The following SFI1 variants were observed in gnomAD, a reference collection of about 807,000 sequenced individuals.
The protein encoded by SFI1 is protein SFI1 homolog.
SFI1 carries 195 observed loss-of-function variants against 207.5 expected under a neutral mutation model. The observed-to-expected ratio is 0.94, with a 90% CI of 0.84 to 1.06. The LOEUF (loss-of-function observed/expected upper bound fraction) is 1.06. Ranked by LOEUF, SFI1 falls within the 50% of genes least tolerant of loss-of-function variation. SFI1 has a pLI of 0.00. For synonymous variants in SFI1, 630 were observed against 598.9 expected, an observed-to-expected ratio of 1.05 and a Z score of -0.76; for missense variants, 1,634 against 1,588.0, an observed-to-expected ratio of 1.03 and a Z score of -0.49.
chr22:31,615,963 G>C (rs1730810796), intron 29 of SFI1: 1 of 152,248 alleles, frequency 6.6e-6, no homozygotes, highest in South Asian at 2.1e-4. Flanking sequence ...AGCAAACGTT[G>C]AGTCTGACCT....
chr22:31,564,962 C>T (rs75847737), intron 8 of SFI1, among the ~76,000 whole-genome samples: 6 of 150,570 alleles, frequency 4.0e-5, no homozygotes, highest in African/African-American at 7.3e-5. Context: ...TACAGGCGCC[C>T]GCCACAACGC....
intron 7 of SFI1, chr22:31,559,888 C>A: frequency 1.5e-6 from 1 of 657,680 alleles, no homozygotes. Flanking sequence ...GCCAGCACAC[C>A]AAGACCACTG....
chr22:31,572,649 C>T (rs1486629408), intron 8 of SFI1: 2 of 157,398 alleles, frequency 1.3e-5, no homozygotes, highest in Non-Finnish European at 2.8e-5. Flanking sequence ...TTATAGGCAC[C>T]CACCATCACG....
chr22:31,605,710 A>G (rs2068850299), intron 20 of SFI1: 1 of 152,424 alleles, frequency 6.6e-6, no homozygotes, highest in South Asian at 2.1e-4. Context: ...TTAGCTAGGC[A>G]CGGTCATGTA....
In SFI1 at chr22:31,602,685, G is replaced by C; in HGVS notation, c.1705G>C (p.Glu569Gln). 6.2e-7 allele frequency: 1 copy of C among 1,614,212 alleles called. No individual in the cohort carries two copies. The highest frequency in any genetic ancestry group is 1.1e-5 in the South Asian group (1 of 91,086). ...CCAGCAGGCAGCAGCACGTCACCAG[G>C]AGCAGGAGTGGCAAACAGTGGCCTG... ...WHQQAAARHQ[E>Q]QEWQTVACAH... The change falls in exon 17 of 33, where the codon GAG becomes CAG. Residue 569 changes from glutamate to glutamine, a missense_variant. Transcript: ENST00000400288.
Position 31,606,405 on chromosome 22 carries a change from A to G in SFI1, c.2132A>G (p.His711Arg). The G allele has an allele frequency of 6.2e-7, 1 of 1,613,864 alleles. No individual in the cohort carries two copies. The highest frequency in any genetic ancestry group is 1.1e-5 in the South Asian group (1 of 91,080). ...AAAAAAACCTTTCAAGCAAGTACTC[A>G]TTACAGAAGGACCATATGTTCCAAG... is the stretch of plus-strand genomic sequence containing the variant. ...EAKKTFQASTHYRRTICSKVL... is the reference protein window; with the variant it reads ...EAKKTFQASTRYRRTICSKVL... Residue 711 changes from histidine (H) to arginine (R), a missense_variant, in exon 21 of 33, where the codon CAT (histidine) becomes CGT (arginine). Transcript: ENST00000400288.
intron 4 of SFI1, among the ~76,000 whole-genome samples, chr22:31,532,055 C>T (rs60827456): frequency 0.012 from 1,860 of 150,942 alleles, 43 homozygotes; most frequent in African/African-American, 0.043. Flanking sequence ...AGTGAAACTC[C>T]ATCTCAAAAA....
intron 8 of SFI1, among the ~76,000 whole-genome samples, chr22:31,567,026 C>G (rs937369763): frequency 2.0e-5 from 3 of 152,140 alleles, no homozygotes; most frequent in Non-Finnish European, 4.4e-5. Flanking sequence ...CTGCCTCAGC[C>G]TCCCGAGTAG....
intron 2 of SFI1, among the ~76,000 whole-genome samples, chr22:31,514,507 CAAAA>C (rs776120363): frequency 6.1e-5 from 3 of 48,982 alleles, no homozygotes; most frequent in African/African-American, 2.5e-4. Flanking sequence ...GACTCTGTCT[CAAAA>C]AAAAAAAAAA....
At chr22:31,527,942 C>T (rs1212779808) in intron 2 of SFI1, among the ~76,000 whole-genome samples, 5 of 152,116 alleles carry the variant, frequency 3.3e-5, no homozygotes, top group South Asian at 4.2e-4. Context: ...GGTGAAACCC[C>T]GTCTCTAATA....
intron 14 of SFI1, 127 bp downstream of exon 14, chr22:31,585,261 G>A: frequency 1.4e-6 from 1 of 704,956 alleles, no homozygotes. Flanking sequence ...AGAGGGTGTT[G>A]AAAAAGCTCA....
intron 3 of SFI1, chr22:31,530,492 A>AAAAAAAG: frequency 4.0e-6 from 1 of 248,058 alleles, no homozygotes; most frequent in Admixed American, 4.9e-5. Context: ...TCTGTCTCAA[A>AAAAAAAG]AAAAAAAAAA....
At chr22:31,586,874 G>T (rs777308875) in intron 14 of SFI1, among the ~76,000 whole-genome samples, 1 of 152,152 alleles carries the variant, frequency 6.6e-6, no homozygotes, top group Non-Finnish European at 1.5e-5. Context: ...GGTATAGCGG[G>T]TCTGAAAAAT....
chr22:31,501,027 GA>G (rs1206062511), intron 1 of SFI1, among the ~76,000 whole-genome samples: 1 of 150,270 alleles, frequency 6.7e-6, no homozygotes, highest in African/African-American at 2.5e-5. Context: ...TCGAACTCCT[GA>G]CCCCGTGACC....
intron 15 of SFI1, among the ~76,000 whole-genome samples, chr22:31,592,508 A>C (rs1407911211): frequency 6.2e-4 from 10 of 16,244 alleles, no homozygotes; most frequent in African/African-American, 1.1e-3. Context: ...CGGGGGGCCG[A>C]CCCCCCCACC....
intron 1 of SFI1, among the ~76,000 whole-genome samples, chr22:31,497,901 C>T (rs1221797521): frequency 1.3e-5 from 2 of 152,286 alleles, no homozygotes; most frequent in Middle Eastern, 3.4e-3. Flanking sequence ...TGAAGATGTA[C>T]AAAGAGATTA....
intron 2 of SFI1, among the ~76,000 whole-genome samples, chr22:31,518,830 A>G (rs2056855559): frequency 6.6e-6 from 1 of 152,180 alleles, no homozygotes; most frequent in Admixed American, 6.6e-5. Flanking sequence ...GGCAGAGGGT[A>G]CCTGTCTGAC....
intron 14 of SFI1, among the ~76,000 whole-genome samples, chr22:31,586,126 C>G (rs1453928552): frequency 6.6e-6 from 1 of 152,152 alleles, no homozygotes; most frequent in African/African-American, 2.4e-5. Flanking sequence ...CAACTGCACT[C>G]TGACCAGTTA....
intron 4 of SFI1, among the ~76,000 whole-genome samples, chr22:31,533,210 A>G (rs973790634): frequency 1.3e-5 from 2 of 152,196 alleles, no homozygotes; most frequent in Non-Finnish European, 2.9e-5. Context: ...AATGTTATCT[A>G]CAAAGTAGCC....
Sources: gnomAD v4.1 joint callset for allele counts (sites outside exome capture counted in the v4.1 genomes callset) on GRCh38, gnomAD v4.1.1 for gene constraint, MANE v1.5 for transcripts, NCBI Gene and HGNC (gene_info 2026-07-23, HGNC 2026-07-21) for gene names.